PPP1R13L: variants seen among roughly 807,000 people sequenced by gnomAD.
The protein encoded by PPP1R13L is protein phosphatase 1 regulatory subunit 13 like.
In PPP1R13L, 50 loss-of-function variants were observed where a neutral mutation model predicts 80.9. The observed-to-expected ratio is 0.62, with a 90% CI of 0.49 to 0.78. The LOEUF is 0.78. Among genes scored for constraint, PPP1R13L ranks in the 30% least tolerant of loss-of-function variants. PPP1R13L has a pLI of 0.00. For missense variants in PPP1R13L, 1,200 were observed against 1,205.9 expected (o/e 1.00, Z 0.07); for synonymous variants, 602 against 534.3 (o/e 1.13, Z -1.75).
At chr19:45,406,283 T>C (rs556598179), upstream of PPP1R13L, 1,010 of 1,051,430 alleles carry the variant, frequency 9.6e-4, 1 homozygote, top group Non-Finnish European at 1.1e-3. This position sits in a 1 kb window ranked among gnomAD's most constrained non-coding sequence, Gnocchi z 4.2. Context: ...TACTAACTAG[T>C]ATTCTTACCT....
At position 45,385,976 on chromosome 19, in the gene PPP1R13L, G is replaced by A. The variant is rs772151441; in HGVS notation, c.1948-19C>T. On this transcript the variant is annotated intron_variant, in intron 9 of 12. Coordinates refer to ENST00000360957, the MANE Select transcript of PPP1R13L (RefSeq NM_006663.4). ...CGTTCATCTGAGTGCACCGGGGGAG[G>A]GGGAAGACTCAGTCCCGCGGCTGGC... 6.2e-7 allele frequency: 1 copy of A among 1,603,260 alleles called. No individual in the cohort carries two copies. Among genetic ancestry groups the A allele is most frequent in the East Asian group, 2.2e-5 (1 of 44,536 alleles).
In PPP1R13L at chr19:45,380,335, C is replaced by T. The variant is rs546805321; in HGVS notation, c.2449-107G>A. On this transcript the variant is annotated intron_variant, in intron 12 of 12. Transcript: ENST00000360957. ...CCCACCCCTTCCTAAGGGGACCTCT[C>T]AGCACCTCCCAAACTGCTCCAGAAT... 4.7e-6 allele frequency: 6 copies of T among 1,290,028 alleles called. No homozygotes were observed. In the East Asian group the frequency reaches 1.4e-4, roughly 30 times the overall value. 79.9% of individuals were successfully genotyped at this position (1,290,028 alleles called of 1,614,324 possible).
In PPP1R13L at chr19:45,395,424, T is replaced by C. The variant is rs764197120; in HGVS notation, c.1354+12A>G. ...TTCACCCAGTCCTCTAGGGCCCTCA[T>C]TGCTGACTCACCTTCGTTCACAGGG... On this transcript the variant is annotated intron_variant, in intron 7 of 12. Coordinates refer to ENST00000360957, the MANE Select transcript of PPP1R13L (RefSeq NM_006663.4). The C allele has an allele frequency of 2.5e-5, 39 of 1,548,422 alleles. No individual in the cohort carries two copies. The highest frequency in any genetic ancestry group is 3.1e-5 in the Non-Finnish European group (36 of 1,152,482).
chr19:45,399,930 C>T (rs1973198200), intron 1 of PPP1R13L, among the ~76,000 whole-genome samples: 1 of 151,290 alleles, frequency 6.6e-6, no homozygotes, highest in Non-Finnish European at 1.5e-5. Flanking sequence ...GCTTGGGTGA[C>T]AGAGCGAGGC....
At chr19:45,395,345 T>C (rs1176941986) in intron 7 of PPP1R13L, 91 bp downstream of exon 7, 1 of 1,506,708 alleles carries the variant, frequency 6.6e-7, no homozygotes, top group Non-Finnish European at 9.0e-7. Flanking sequence ...GGCATTTGGC[T>C]GTGATCTCCC....
intron 8 of PPP1R13L, among the ~76,000 whole-genome samples, chr19:45,387,844 C>G (rs1179097134): frequency 6.6e-6 from 1 of 152,152 alleles, no homozygotes; most frequent in Non-Finnish European, 1.5e-5. Flanking sequence ...AGCCATCATG[C>G]CTGACCTAGA....
chr19:45,398,385 A>G (rs1032984884), intron 1 of PPP1R13L, 46 bp from the exon 2 acceptor site: 8 of 1,580,730 alleles, frequency 5.1e-6, no homozygotes, highest in Non-Finnish European at 6.0e-6. Context: ...CCGCCCCTCT[A>G]GACCCCGCCC....
intron 11 of PPP1R13L, among the ~76,000 whole-genome samples, chr19:45,385,177 T>C (rs1307912590): frequency 6.6e-6 from 1 of 152,206 alleles, no homozygotes; most frequent in African/African-American, 2.4e-5. Flanking sequence ...TGTAGCCTGC[T>C]CACCTGCCAG....
chr19:45,388,354 A>C (rs1442739323), intron 8 of PPP1R13L, among the ~76,000 whole-genome samples: 1 of 151,970 alleles, frequency 6.6e-6, no homozygotes, highest in African/African-American at 2.4e-5. Flanking sequence ...AGCTGGGCAC[A>C]GTGGCTCATG....
chr19:45,398,271 G>A lies in PPP1R13L; in HGVS notation c.48C>T (p.Asn16=). The A allele has an allele frequency of 2.5e-6, 4 of 1,613,966 alleles. No individual in the cohort carries two copies. Among genetic ancestry groups the A allele is most frequent in the Non-Finnish European group, 3.4e-6 (4 of 1,179,924 alleles). The change falls in exon 2 of 13, where the codon AAC becomes AAT. Residue 16 remains asparagine, a synonymous_variant. Coordinates refer to ENST00000360957, the MANE Select transcript of PPP1R13L (RefSeq NM_006663.4). ...FQSARDFLDM[N]FQSLAMKHMD... is the part of the protein sequence containing the mutation. ...CCCCCTACTCCAGCTTACACTGGAA[G>A]TTCATGTCCAGAAAGTCCCGCGCGC...
intron 11 of PPP1R13L, among the ~76,000 whole-genome samples, chr19:45,383,713 T>C (rs1189632648): frequency 6.6e-6 from 1 of 152,246 alleles, no homozygotes; most frequent in African/African-American, 2.4e-5. Context: ...GCACCTTCCT[T>C]GAATGATAGG....
chr19:45,395,339 T>C, intron 7 of PPP1R13L, 97 bp downstream of exon 7: 1 of 1,464,834 alleles, frequency 6.8e-7, no homozygotes, highest in East Asian at 2.5e-5. Context: ...TAAAGAGGCA[T>C]TTGGCTGTGA....
intron 3 of PPP1R13L, 131 bp downstream of exon 3, chr19:45,397,873 CT>C: frequency 4.0e-6 from 5 of 1,262,140 alleles, no homozygotes; most frequent in Admixed American, 2.7e-5. Context: ...GCCTGGTCCC[CT>C]TTTTTCAAGT....
At position 45,396,692 on chromosome 19, in the gene PPP1R13L, G is replaced by C; in HGVS notation, c.565C>G (p.Leu189Val). 1 of 1,416,350 alleles carries C rather than the reference G, an allele frequency of 7.1e-7. No individual in the cohort carries two copies. Among genetic ancestry groups the C allele is most frequent in the Non-Finnish European group, 9.1e-7 (1 of 1,095,538 alleles). 87.7% of individuals were successfully genotyped at this position (1,416,350 alleles called of 1,614,324 possible). The change falls in exon 4 of 13, where the codon CTG becomes GTG. Residue 189 changes from leucine to valine, a missense_variant. Leu to Val is a conservative substitution (Grantham distance 32). Transcript: ENST00000360957. The surrounding 1 kb of genome is among the most constrained non-coding windows in gnomAD (Gnocchi z 5.3). ...GRAGSPRGSPLAEGPQAFFPE... is the reference protein window; with the variant it reads ...GRAGSPRGSPVAEGPQAFFPE... ...AAGAAGGCCTGGGGCCCCTCCGCCA[G>C]GGGGCTGCCGCGGGGGGAGCCTGCG... is the stretch of plus-strand genomic sequence containing the variant.
rs543153369 is a variant in PPP1R13L, at chr19:45,396,404, C to T, written c.745G>A (p.Ala249Thr). The T allele has an allele frequency of 3.7e-6, 6 of 1,614,090 alleles. No homozygotes were observed. The highest frequency in any genetic ancestry group is 5.1e-6 in the Non-Finnish European group (6 of 1,179,982). The change falls in exon 5 of 13, where the codon GCC becomes ACC. Residue 249 changes from alanine to threonine, a missense_variant. Ala to Thr is a moderately conservative substitution (Grantham distance 58). Coordinates refer to ENST00000360957, the MANE Select transcript of PPP1R13L (RefSeq NM_006663.4). The surrounding 1 kb of genome is among the most constrained non-coding windows in gnomAD (Gnocchi z 5.3). ...ACGTCCAGGTCAGACTCGTTCCAGGCTTTCGGAGGCCGCCGGCGCAGCGTC... is the reference window on the plus strand; with the variant it reads ...ACGTCCAGGTCAGACTCGTTCCAGGTTTTCGGAGGCCGCCGGCGCAGCGTC... ...DLTLRRRPPKAWNESDLDVAY... is the reference protein window; with the variant it reads ...DLTLRRRPPKTWNESDLDVAY...
Position 45,395,465 on chromosome 19 carries a change from G to A in PPP1R13L, c.1325C>T (p.Pro442Leu), listed in dbSNP as rs764955259. The A allele has an allele frequency of 1.6e-5, 24 of 1,529,768 alleles. No individual in the cohort carries two copies. The highest frequency in any genetic ancestry group is 1.1e-4 in the African/African-American group (8 of 72,716). The allele number at this position is 1,529,768 out of a possible 1,614,324, so 94.8% of individuals were successfully genotyped here. Residue 442 changes from proline to leucine, a missense_variant, in exon 7 of 13, where the codon CCC becomes CTC. By Grantham distance (98) the Pro-to-Leu change is moderately conservative. Coordinates refer to ENST00000360957, the MANE Select transcript of PPP1R13L (RefSeq NM_006663.4). ...GTTCACAGGGGGCCATGTCTGTTGG[G>A]GATGCTGGGGGGCTGGGGTAGGGGT... ...PQTPTPAPQH[P>L]QQTWPPVNEG...
Position 45,392,183 on chromosome 19 carries a change from C to T in PPP1R13L, c.1512G>A (p.Val504=). The part of the protein sequence containing the change: ...QPALPPEAQS[V]PELEEVARVL... The stretch of plus-strand genomic sequence containing the variant: ...CCCGTGCCACCTCCTCCAGCTCGGG[C>T]ACCGACTGTGCCTCCGGTGGCAGTG... Residue 504 remains valine, a synonymous_variant, in exon 8 of 13, where the codon GTG becomes GTA. Coordinates refer to ENST00000360957, the MANE Select transcript of PPP1R13L (RefSeq NM_006663.4). 6.2e-7 allele frequency: 1 copy of T among 1,610,264 alleles called. No individual in the cohort carries two copies. Among genetic ancestry groups the T allele is most frequent in the Non-Finnish European group, 8.5e-7 (1 of 1,177,784 alleles).
rs773157328 is a variant in PPP1R13L at position 45,397,074 on chromosome 19, G to A, written c.199-16C>T. On this transcript the variant is annotated splice_polypyrimidine_tract_variant and intron_variant, in intron 3 of 12. Coordinates refer to ENST00000360957, the MANE Select transcript of PPP1R13L (RefSeq NM_006663.4). ...ACCGGGGCGGCTGTGGGGAGGCCAG[G>A]GCATTGAGGGATGGATCAAAGGAGA... The A allele has an allele frequency of 1.2e-5, 16 of 1,296,880 alleles. No individual in the cohort carries two copies. The highest frequency in any genetic ancestry group is 5.9e-6 in the Non-Finnish European group (6 of 1,022,734). The allele number at this position is 1,296,880 out of a possible 1,614,324, so 80.3% of individuals were successfully genotyped here.
upstream of PPP1R13L, among the ~76,000 whole-genome samples, chr19:45,405,871 C>G (rs1308604359): frequency 1.3e-5 from 2 of 152,180 alleles, no homozygotes; most frequent in African/African-American, 4.8e-5. Context: ...GGGTGCGTCC[C>G]CCAAATCTGT....
Sources: allele counts gnomAD v4.1 joint callset (sites outside exome capture counted in the v4.1 genomes callset), GRCh38; gene constraint gnomAD v4.1.1; non-coding constraint Gnocchi (gnomAD v3.1); transcripts MANE v1.5; gene names NCBI Gene and HGNC (gene_info 2026-07-23, HGNC 2026-07-21).